Variants in CTNNA3 observed in about 807,000 individuals in gnomAD.
CTNNA3 encodes the protein catenin alpha-3.
Under a neutral mutation model 95.7 loss-of-function variants are expected in CTNNA3, and 76 were observed. That is an observed-to-expected ratio of 0.79 (90% CI 0.66 to 0.96). The LOEUF is 0.96. Ranked by LOEUF, CTNNA3 falls within the 40% of genes least tolerant of loss-of-function variation. The pLI is 0.00. For missense variants in CTNNA3, 1,191 were observed against 1,089.8 expected (o/e 1.09, Z -1.31); for synonymous variants, 431 against 374.4 (o/e 1.15, Z -1.74).
intron 9 of CTNNA3, among the ~76,000 whole-genome samples, chr10:66,701,655 T>C (rs769589825): frequency 1.3e-5 from 2 of 152,184 alleles, no homozygotes; most frequent in African/African-American, 2.4e-5. Flanking sequence ...CTCTTAATGA[T>C]ACATGTAAAT....
At chr10:66,630,805 A>T (rs935906934) in intron 9 of CTNNA3, among the ~76,000 whole-genome samples, 2 of 152,148 alleles carry the variant, frequency 1.3e-5, no homozygotes, top group African/African-American at 4.8e-5. Flanking sequence ...TAGAATATTT[A>T]ACTAATATAA....
chr10:67,566,043 G>GTGTATATATATATATATATATATA lies in CTNNA3; in HGVS notation c.293-26375_293-26374insTATATATATATATATATATATACA, dbSNP rs1274109672. On this transcript the variant is annotated intron_variant, in intron 3 of 17. Transcript: ENST00000433211. Reference sequence around the variant, plus strand: ...CACACACACACACATATGTGTGTGTGTATATATATATATATATATATATAT... The same window carrying GTGTATATATATATATATATATATA: ...CACACACACACACATATGTGTGTGTGTGTATATATATATATATATATATATATATATATATATATATATATATAT... 1.1e-3 allele frequency among the ~76,000 whole-genome samples: 30 copies of GTGTATATATATATATATATATATA among 26,950 alleles called. 1 individual carries two copies. The highest frequency in any genetic ancestry group is 0.025 in the Middle Eastern group (1 of 40). The allele number at this position is 26,950 out of a possible 152,430, so 17.7% of individuals were successfully genotyped here.
intron 13 of CTNNA3, among the ~76,000 whole-genome samples, chr10:66,245,636 C>T (rs925820665): frequency 3.9e-5 from 6 of 152,142 alleles, no homozygotes; most frequent in African/African-American, 1.4e-4. Context: ...GCTCCGAGCA[C>T]AGAAGAGACC....
intron 14 of CTNNA3, among the ~76,000 whole-genome samples, chr10:66,095,241 A>G (rs533737855): frequency 6.6e-6 from 1 of 152,142 alleles, no homozygotes; most frequent in South Asian, 2.1e-4. Flanking sequence ...GAACTCTAAT[A>G]AACCCTAATG....
At chr10:66,660,396 T>G (rs1846221878) in intron 9 of CTNNA3, among the ~76,000 whole-genome samples, 1 of 152,188 alleles carries the variant, frequency 6.6e-6, no homozygotes, top group African/African-American at 2.4e-5. Context: ...ACCTCTTAAC[T>G]TGTGATAACT....
chr10:66,498,254 A>T (rs1245851855), intron 11 of CTNNA3, among the ~76,000 whole-genome samples: 1 of 152,110 alleles, frequency 6.6e-6, no homozygotes, highest in Non-Finnish European at 1.5e-5. Context: ...ATATTTATAG[A>T]GGGGAAAATA....
chr10:66,842,995 G>A (rs1291252012), intron 7 of CTNNA3, among the ~76,000 whole-genome samples: 2 of 152,176 alleles, frequency 1.3e-5, no homozygotes, highest in Admixed American at 1.3e-4. Flanking sequence ...GAGTCACTTA[G>A]TGTACAGGTA....
At chr10:67,467,885 AT>A (rs1480079795) in intron 5 of CTNNA3, among the ~76,000 whole-genome samples, 2 of 151,416 alleles carry the variant, frequency 1.3e-5, no homozygotes, top group African/African-American at 2.4e-5. Flanking sequence ...TAATTTTTGT[AT>A]TTTTTGTAGA....
intron 1 of CTNNA3, among the ~76,000 whole-genome samples, chr10:67,704,308 C>G (rs894767133): frequency 6.6e-6 from 1 of 152,084 alleles, no homozygotes; most frequent in African/African-American, 2.4e-5. Context: ...AAAAAGAGCC[C>G]GCATCACCAA....
chr10:66,164,651 T>C (rs1006558769), intron 13 of CTNNA3, among the ~76,000 whole-genome samples: 1 of 152,158 alleles, frequency 6.6e-6, no homozygotes, highest in African/African-American at 2.4e-5. Flanking sequence ...AGAAAATCTC[T>C]GTAAATGTTA....
intron 7 of CTNNA3, among the ~76,000 whole-genome samples, chr10:66,845,703 C>CAAAA (rs61085873): frequency 3.0e-4 from 7 of 23,544 alleles, no homozygotes; most frequent in East Asian, 6.8e-4. Context: ...AACTCTGTCT[C>CAAAA]AAAAAAAAAA....
intron 5 of CTNNA3, among the ~76,000 whole-genome samples, chr10:67,227,940 G>C (rs1049419853): frequency 4.6e-5 from 7 of 152,144 alleles, no homozygotes; most frequent in African/African-American, 1.7e-4. Context: ...ACGTGCTCCT[G>C]AATTAGCATT....
At chr10:67,728,584 G>A (rs2133629895) in intron 1 of CTNNA3, among the ~76,000 whole-genome samples, 1 of 151,742 alleles carries the variant, frequency 6.6e-6, no homozygotes, top group South Asian at 2.1e-4. Flanking sequence ...TGTCAATGCT[G>A]CTGGTCTGGG....
intron 7 of CTNNA3, among the ~76,000 whole-genome samples, chr10:66,789,677 C>T (rs1589256687): frequency 1.3e-5 from 2 of 152,116 alleles, no homozygotes; most frequent in East Asian, 3.9e-4. Flanking sequence ...GTTCTAGGTA[C>T]TGTAATTAAT....
chr10:66,846,808 A>T (rs1843300370), intron 7 of CTNNA3, among the ~76,000 whole-genome samples: 1 of 152,174 alleles, frequency 6.6e-6, no homozygotes, highest in Non-Finnish European at 1.5e-5. Flanking sequence ...CTGAGGTGAT[A>T]CCAGGAATAT....
intron 5 of CTNNA3, among the ~76,000 whole-genome samples, chr10:67,448,148 A>G (rs77063431): frequency 0.017 from 2,664 of 152,268 alleles, 80 homozygotes; most frequent in African/African-American, 0.061. Flanking sequence ...GCACCAATTC[A>G]TATGATTCGT....
At chr10:67,137,656 C>G (rs1365375524) in intron 7 of CTNNA3, among the ~76,000 whole-genome samples, 1 of 152,150 alleles carries the variant, frequency 6.6e-6, no homozygotes, top group Non-Finnish European at 1.5e-5. Context: ...ACATAATGTT[C>G]CTTTGTCATA....
chr10:67,384,994 G>A (rs1782084347), intron 5 of CTNNA3, among the ~76,000 whole-genome samples: 1 of 151,628 alleles, frequency 6.6e-6, no homozygotes, highest in Non-Finnish European at 1.5e-5. Context: ...ATTTTGATAA[G>A]AAAAAGTGGT....
chr10:66,727,193 T>A (rs1328317793), intron 9 of CTNNA3, among the ~76,000 whole-genome samples: 1 of 152,058 alleles, frequency 6.6e-6, no homozygotes, highest in Non-Finnish European at 1.5e-5. Flanking sequence ...AAGTCAAGCT[T>A]CAGAATTAAA....
Sources: allele counts gnomAD v4.1 joint callset (sites outside exome capture counted in the v4.1 genomes callset), GRCh38; gene constraint gnomAD v4.1.1; transcripts MANE v1.5; gene names NCBI Gene and HGNC (gene_info 2026-07-23, HGNC 2026-07-21).